PIEZO2: variants seen among roughly 807,000 people sequenced by gnomAD.
PIEZO2 encodes the protein piezo-type mechanosensitive ion channel component 2.
Under a neutral mutation model 337.3 loss-of-function variants are expected in PIEZO2, and 172 were observed. That is an observed-to-expected ratio of 0.51 (90% CI 0.45 to 0.58). The LOEUF is 0.58. Among genes scored for constraint, PIEZO2 ranks in the 20% least tolerant of loss-of-function variants. The pLI is 0.00. For missense variants in PIEZO2, 3,028 were observed against 3,391.3 expected, an observed-to-expected ratio of 0.89 and a Z score of 2.66; for synonymous variants, 1,251 against 1,228.5, an observed-to-expected ratio of 1.02 and a Z score of -0.38.
chr18:10,851,154 T>G (rs561233798), intron 7 of PIEZO2, among the ~76,000 whole-genome samples: 1 of 128,248 alleles, frequency 7.8e-6, no homozygotes, highest in East Asian at 2.3e-4. Context: ...TTTTCTTTTA[T>G]CTTTTTTTTT....
rs562323294 is a variant in PIEZO2 at position 10,775,042 on chromosome 18, C to A, written c.2535-1004G>T. 1.3e-5 allele frequency among the ~76,000 whole-genome samples: 2 copies of A among 152,324 alleles called. No homozygotes were observed. The highest frequency in any genetic ancestry group is 4.8e-5 in the African/African-American group (2 of 41,572). On this transcript the variant is annotated intron_variant, in intron 18 of 55. Coordinates refer to ENST00000674853, the MANE Select transcript of PIEZO2 (RefSeq NM_001378183.1). This position sits in a 1 kb window ranked among gnomAD's most constrained non-coding sequence, Gnocchi z 4.3. ...TCGTAAGGAATCCACATTGTCCCTA[C>A]GCTTTTAGATTATCATTCAAACAAT... is the stretch of plus-strand genomic sequence containing the variant.
At chr18:10,782,403 AT>A (rs1568051460) in intron 17 of PIEZO2, among the ~76,000 whole-genome samples, 6 of 43,020 alleles carry the variant, frequency 1.4e-4, no homozygotes, top group Non-Finnish European at 2.9e-4. Context: ...ATAAATAATT[AT>A]ATAATATATT....
At chr18:11,133,762 C>T (rs566974936) in intron 1 of PIEZO2, among the ~76,000 whole-genome samples, 4 of 151,374 alleles carry the variant, frequency 2.6e-5, no homozygotes, top group Non-Finnish European at 1.5e-5. Context: ...AACTTGTGAT[C>T]GCGTAAGTTA....
intron 1 of PIEZO2, among the ~76,000 whole-genome samples, chr18:11,114,235 A>G (rs1375391396): frequency 6.6e-6 from 1 of 152,224 alleles, no homozygotes; most frequent in South Asian, 2.1e-4. Context: ...TCTGACACTC[A>G]AGACTCTCAG....
At chr18:11,008,215 G>A (rs1426071227) in intron 2 of PIEZO2, among the ~76,000 whole-genome samples, 1 of 152,110 alleles carries the variant, frequency 6.6e-6, no homozygotes, top group Non-Finnish European at 1.5e-5. Flanking sequence ...TCTAGATACT[G>A]ACCAAACTAC....
In PIEZO2 at chr18:11,033,930, C is replaced by T. The variant is rs1339943604; in HGVS notation, c.160+32197G>A. Among the ~76,000 whole-genome samples, 1 of 151,886 alleles carries T rather than the reference C, an allele frequency of 6.6e-6. No homozygotes were observed. Among genetic ancestry groups the T allele is most frequent in the East Asian group, 1.9e-4 (1 of 5,160 alleles). ...ACCGGGTTGGTTTATAACTTTAATA[C>T]CTGAAAAACTTATACGAGCTAATGT... On this transcript the variant is annotated intron_variant, in intron 2 of 55. Transcript: ENST00000674853. This position sits in a 1 kb window ranked among gnomAD's most constrained non-coding sequence, Gnocchi z 4.2.
Position 10,724,789 on chromosome 18 carries a change from C to T in PIEZO2, c.5030-6530G>A. The stretch of plus-strand genomic sequence containing the variant: ...GGCTCTGGCAGTCCCCCCAGCACTG[C>T]AGCCCCAGCCTGAGCAGCAGTCGTT... On this transcript the variant is annotated intron_variant, in intron 36 of 55. Coordinates refer to ENST00000674853, the MANE Select transcript of PIEZO2 (RefSeq NM_001378183.1). This position sits in a 1 kb window ranked among gnomAD's most constrained non-coding sequence, Gnocchi z 5.8. 6.3e-7 allele frequency: 1 copy of T among 1,583,436 alleles called. No individual in the cohort carries two copies. Among genetic ancestry groups the T allele is most frequent in the Non-Finnish European group, 8.6e-7 (1 of 1,163,184 alleles).
At chr18:10,694,589 G>A (rs879408557) in intron 47 of PIEZO2, among the ~76,000 whole-genome samples, 76 of 152,174 alleles carry the variant, frequency 5.0e-4, no homozygotes, top group Non-Finnish European at 7.8e-4. Flanking sequence ...CTAGCACTTT[G>A]GGAGGCCCAG....
At chr18:10,960,486 T>C (rs537602811) in intron 3 of PIEZO2, among the ~76,000 whole-genome samples, 29 of 151,246 alleles carry the variant, frequency 1.9e-4, no homozygotes, top group Non-Finnish European at 3.8e-4. Flanking sequence ...AGACACAGGG[T>C]ATCATAACAC....
intron 3 of PIEZO2, among the ~76,000 whole-genome samples, chr18:10,934,236 A>G (rs1236301949): frequency 6.6e-6 from 1 of 152,230 alleles, no homozygotes; most frequent in Non-Finnish European, 1.5e-5. Flanking sequence ...TCTAAAAACT[A>G]TGGAGGTAGT....
rs1386507860 is a variant in PIEZO2, at chr18:10,671,555, A to T, written c.8570T>A (p.Ile2857Asn). The T allele has an allele frequency of 6.2e-7, 1 of 1,613,046 alleles. No individual in the cohort carries two copies. The highest frequency in any genetic ancestry group is 1.3e-5 in the African/African-American group (1 of 74,852). ...IFLYRSPETM[I>N]KWTREKTN ...ATTTGTTTTTTCTCTAGTCCATTTG[A>T]TCATTGTCTCTGGTGAGCGATATAG... Residue 2857 changes from isoleucine to asparagine, a missense_variant, in exon 56 of 56, where the codon ATC becomes AAC. This residue lies in a region of PIEZO2 where 332 missense variants were observed against 363.8 expected (regional missense o/e 0.91). Coordinates refer to ENST00000674853, the MANE Select transcript of PIEZO2 (RefSeq NM_001378183.1).
In PIEZO2 at chr18:10,682,424, C is replaced by T. The variant is rs776976664; in HGVS notation, c.7498-132G>A. The stretch of plus-strand genomic sequence containing the variant: ...GATTTGGCCCTGAATCTTCTCTGTT[C>T]GCTCTGAAATGGGGATAGCAACCTT... On this transcript the variant is annotated intron_variant, in intron 49 of 55. Transcript: ENST00000674853. This position sits in a 1 kb window ranked among gnomAD's most constrained non-coding sequence, Gnocchi z 5.6. The T allele has an allele frequency of 2.7e-5, 22 of 804,702 alleles. No individual in the cohort carries two copies. Among genetic ancestry groups the T allele is most frequent in the African/African-American group, 8.7e-5 (5 of 57,438 alleles). The allele number at this position is 804,702 out of a possible 1,614,324, so 49.8% of individuals were successfully genotyped here.
chr18:11,095,969 A>C (rs1003419520), intron 1 of PIEZO2, among the ~76,000 whole-genome samples: 3 of 152,204 alleles, frequency 2.0e-5, no homozygotes, highest in Non-Finnish European at 4.4e-5. Flanking sequence ...GTCAGGGAGA[A>C]ATATCACTTC....
chr18:10,987,898 C>G (rs1452473402), intron 2 of PIEZO2, among the ~76,000 whole-genome samples: 1 of 151,960 alleles, frequency 6.6e-6, no homozygotes, highest in African/African-American at 2.4e-5. Context: ...GATATTTCTC[C>G]AAAGAATACA....
chr18:10,820,169 T>C (rs1238244258), intron 7 of PIEZO2, among the ~76,000 whole-genome samples: 1 of 152,120 alleles, frequency 6.6e-6, no homozygotes, highest in Non-Finnish European at 1.5e-5. Context: ...TTTTTGTTTG[T>C]TTAGATTGGA....
intron 2 of PIEZO2, among the ~76,000 whole-genome samples, chr18:11,058,373 C>A (rs1454524848): frequency 6.6e-6 from 1 of 152,220 alleles, no homozygotes; most frequent in Admixed American, 6.5e-5. Context: ...AGCACCTCTC[C>A]TCCTCCAAAG....
intron 3 of PIEZO2, among the ~76,000 whole-genome samples, chr18:10,946,079 A>G (rs2033004405): frequency 6.6e-6 from 1 of 152,190 alleles, no homozygotes; most frequent in South Asian, 2.1e-4. Context: ...ATATTTCCCA[A>G]ATTTGATGAA....
In PIEZO2 at chr18:11,128,748, C is replaced by T. The variant is rs543154335; in HGVS notation, c.64+19777G>A. Among the ~76,000 whole-genome samples the T allele has an allele frequency of 6.5e-4, 99 of 152,218 alleles. No individual in the cohort carries two copies. Among genetic ancestry groups the T allele is most frequent in the African/African-American group, 2.2e-3 (90 of 41,518 alleles). ...ACCTATAAATAGACTAAAGTCCTGG[C>T]AGGTCCCTAAAGATGAGGTTGAAAG... On this transcript the variant is annotated intron_variant, in intron 1 of 55. Coordinates refer to ENST00000674853, the MANE Select transcript of PIEZO2 (RefSeq NM_001378183.1). This position sits in a 1 kb window ranked among gnomAD's most constrained non-coding sequence, Gnocchi z 4.1.
chr18:10,923,250 T>C (rs1336283744), intron 3 of PIEZO2, among the ~76,000 whole-genome samples: 3 of 152,122 alleles, frequency 2.0e-5, no homozygotes, highest in Admixed American at 1.3e-4. Context: ...TCTAAGACGC[T>C]TGCATAAGAT....
Sources: allele counts gnomAD v4.1 joint callset (sites outside exome capture counted in the v4.1 genomes callset), GRCh38; gene constraint gnomAD v4.1.1; regional missense constraint gnomAD v4.1.1; non-coding constraint Gnocchi (gnomAD v3.1); transcripts MANE v1.5; gene names NCBI Gene and HGNC (gene_info 2026-07-23, HGNC 2026-07-21).